SAMD5: variants seen among roughly 807,000 people sequenced by gnomAD.
SAMD5 encodes sterile alpha motif domain containing 5, also known as sterile alpha motif domain-containing protein 5.
In SAMD5, 13 loss-of-function variants were observed where a neutral mutation model predicts 11.3. The observed-to-expected ratio is 1.15, with a 90% CI of 0.75 to 1.83. The LOEUF (loss-of-function observed/expected upper bound fraction) is 1.83, where lower values mean the gene tolerates loss of function less well. Ranked by LOEUF, SAMD5 falls within the 40% of genes most tolerant of loss-of-function variation. The pLI is 0.00. For missense variants in SAMD5, 255 were observed against 239.1 expected (o/e 1.07, Z -0.44); for synonymous variants, 129 against 111.3 (o/e 1.16, Z -1.00).
intron 1 of SAMD5, among the ~76,000 whole-genome samples, chr6:147,594,344 C>T (rs1391622794): frequency 6.6e-6 from 1 of 152,056 alleles, no homozygotes; most frequent in East Asian, 1.9e-4. Flanking sequence ...AGTCTCTATT[C>T]CTTTTTGTTA....
the SAMD5 span, among the ~76,000 whole-genome samples, chr6:147,808,715 G>A: frequency 1.9e-3 from 296 of 152,256 alleles, 5 homozygotes; most frequent in African/African-American, 6.5e-3. Flanking sequence ...TGAATTGAAT[G>A]TATAATATAT....
intron 1 of SAMD5, among the ~76,000 whole-genome samples, chr6:147,591,317 T>G (rs1789450924): frequency 6.6e-6 from 1 of 152,214 alleles, no homozygotes. Context: ...CATATAAAGC[T>G]GCTTCAGAGC....
downstream of SAMD5, among the ~76,000 whole-genome samples, chr6:147,741,108 G>A (rs1164750199): frequency 6.6e-6 from 1 of 152,176 alleles, no homozygotes; most frequent in East Asian, 1.9e-4. Flanking sequence ...AGTTAATCAT[G>A]GGTTGGGTCA....
chr6:147,690,828 A>G (rs1791090333), intron 1 of SAMD5, among the ~76,000 whole-genome samples: 1 of 152,180 alleles, frequency 6.6e-6, no homozygotes, highest in African/African-American at 2.4e-5. Context: ...TTGGTCTAGA[A>G]TTCCAGATGT....
chr6:147,888,123 G>T, the SAMD5 span, among the ~76,000 whole-genome samples: 1 of 152,054 alleles, frequency 6.6e-6, no homozygotes, highest in South Asian at 2.1e-4. Context: ...TCTCTTACCA[G>T]TATATTCTAA....
the SAMD5 span, among the ~76,000 whole-genome samples, chr6:147,905,477 G>A: frequency 2.0e-5 from 3 of 152,122 alleles, no homozygotes; most frequent in South Asian, 2.1e-4. Flanking sequence ...TGCTGCACCC[G>A]GCCTATGCCT....
intron 1 of SAMD5, among the ~76,000 whole-genome samples, chr6:147,616,737 T>A (rs1789879125): frequency 6.6e-6 from 1 of 152,170 alleles, no homozygotes; most frequent in Non-Finnish European, 1.5e-5. Flanking sequence ...CTCAGGAAAC[T>A]TACAATCATG....
At chr6:147,876,876 C>A in the SAMD5 span, among the ~76,000 whole-genome samples, 5 of 152,126 alleles carry the variant, frequency 3.3e-5, no homozygotes, top group Non-Finnish European at 7.4e-5. Flanking sequence ...TTGCAAAGAT[C>A]AATTGCGATG....
At chr6:147,911,263 C>G in the SAMD5 span, among the ~76,000 whole-genome samples, 2 of 152,206 alleles carry the variant, frequency 1.3e-5, no homozygotes, top group Non-Finnish European at 2.9e-5. Context: ...GGTTGTTTAG[C>G]AGAGGTAAAC....
chr6:147,611,269 A>G (rs1311696716), intron 1 of SAMD5, among the ~76,000 whole-genome samples: 1 of 152,156 alleles, frequency 6.6e-6, no homozygotes, highest in East Asian at 1.9e-4. Context: ...GAAAGAAGAG[A>G]CGGAGAATGA....
intron 1 of SAMD5, among the ~76,000 whole-genome samples, chr6:147,615,162 A>G (rs1426185779): frequency 6.6e-6 from 1 of 152,072 alleles, no homozygotes; most frequent in Admixed American, 6.5e-5. Context: ...AATCCCCCAC[A>G]GATATCGAAG....
chr6:147,915,432 A>G, the SAMD5 span, among the ~76,000 whole-genome samples: 1 of 152,336 alleles, frequency 6.6e-6, no homozygotes, highest in East Asian at 1.9e-4. Flanking sequence ...TTTTTTAAAA[A>G]GACAAATGAG....
chr6:147,550,627 T>C (rs1735943910), intron 1 of SAMD5, among the ~76,000 whole-genome samples: 1 of 152,148 alleles, frequency 6.6e-6, no homozygotes, highest in East Asian at 1.9e-4. Context: ...CTGGAGGCCA[T>C]TATGTTAAGT....
intron 1 of SAMD5, among the ~76,000 whole-genome samples, chr6:147,633,480 T>C (rs1040348929): frequency 2.0e-5 from 3 of 152,106 alleles, no homozygotes; most frequent in African/African-American, 7.2e-5. Context: ...CTGCTCACAC[T>C]AGCACAGTCT....
At chr6:147,917,019 A>G in the SAMD5 span, among the ~76,000 whole-genome samples, 36 of 145,256 alleles carry the variant, frequency 2.5e-4, no homozygotes, top group South Asian at 6.5e-3. Context: ...ATAAACATAC[A>G]TGTGCATGTG....
intron 1 of SAMD5, among the ~76,000 whole-genome samples, chr6:147,530,027 T>TA (rs1374508614): frequency 3.3e-5 from 5 of 152,228 alleles, no homozygotes; most frequent in African/African-American, 1.2e-4. Flanking sequence ...CACCTTTTCT[T>TA]ATGGTGTTTC....
chr6:147,516,865 G>A (rs1379469409), intron 1 of SAMD5, among the ~76,000 whole-genome samples: 1 of 152,210 alleles, frequency 6.6e-6, no homozygotes. Flanking sequence ...GGGTCACTCA[G>A]TAAATAGGTT....
chr6:147,831,818 C>T, the SAMD5 span, among the ~76,000 whole-genome samples: 1 of 152,020 alleles, frequency 6.6e-6, no homozygotes, highest in African/African-American at 2.4e-5. Flanking sequence ...TCATTTAAGG[C>T]CTCATGCATT....
chr6:147,822,900 C>T, the SAMD5 span, among the ~76,000 whole-genome samples: 1 of 152,162 alleles, frequency 6.6e-6, no homozygotes, highest in African/African-American at 2.4e-5. Flanking sequence ...CCGCAACCTC[C>T]ACCTCCTGGG....
Sources: allele counts gnomAD v4.1 joint callset (sites outside exome capture counted in the v4.1 genomes callset), GRCh38; gene constraint gnomAD v4.1.1; transcripts MANE v1.5; gene names NCBI Gene and HGNC (gene_info 2026-07-23, HGNC 2026-07-21).